Variants in LRRC28 observed in about 807,000 individuals in gnomAD.
LRRC28 encodes the protein leucine rich repeat containing 28.
In LRRC28, 39 loss-of-function variants were observed where a neutral mutation model predicts 45.7. The observed-to-expected ratio is 0.85, with a 90% CI of 0.66 to 1.12. The LOEUF (loss-of-function observed/expected upper bound fraction) is 1.12, where lower values mean the gene tolerates loss of function less well. LRRC28 is among the 50% of genes most tolerant of loss of function. The pLI, the probability that LRRC28 is intolerant of heterozygous loss-of-function variation, is 0.00. For missense variants in LRRC28, 435 were observed against 438.5 expected (o/e 0.99, Z 0.07); for synonymous variants, 206 against 178.8 (o/e 1.15, Z -1.22).
intron 9 of LRRC28, among the ~76,000 whole-genome samples, chr15:99,371,693 C>T (rs916380505): frequency 1.3e-5 from 2 of 152,144 alleles, no homozygotes; most frequent in Non-Finnish European, 2.9e-5. Flanking sequence ...GAAGCCTATT[C>T]GTTGGCACCC....
At chr15:99,280,433 T>C (rs2081752106) in intron 3 of LRRC28, among the ~76,000 whole-genome samples, 1 of 151,270 alleles carries the variant, frequency 6.6e-6, no homozygotes, top group Admixed American at 6.6e-5. Flanking sequence ...CAGTTTTTTA[T>C]TGTACATTTA....
At chr15:99,304,149 T>C (rs1246196249) in intron 5 of LRRC28, among the ~76,000 whole-genome samples, 3 of 152,244 alleles carry the variant, frequency 2.0e-5, no homozygotes, top group Non-Finnish European at 4.4e-5. Context: ...GTTTACATAT[T>C]GTCTCTGGCT....
At chr15:99,349,189 T>G (rs549997795) in intron 6 of LRRC28, among the ~76,000 whole-genome samples, 8 of 152,244 alleles carry the variant, frequency 5.3e-5, no homozygotes, top group African/African-American at 1.9e-4. Context: ...CTTTGGGGTT[T>G]CATCTCTTTT....
chr15:99,367,705 G>A (rs560463118), intron 9 of LRRC28, among the ~76,000 whole-genome samples: 1 of 152,296 alleles, frequency 6.6e-6, no homozygotes, highest in South Asian at 2.1e-4. Context: ...ATAAAGCAAG[G>A]CTTGTGGGAA....
intron 9 of LRRC28, among the ~76,000 whole-genome samples, chr15:99,383,013 C>G (rs1957875492): frequency 6.6e-6 from 1 of 152,092 alleles, no homozygotes; most frequent in Admixed American, 6.6e-5. Context: ...GTATACAACT[C>G]AGTGTTTCTT....
intron 5 of LRRC28, among the ~76,000 whole-genome samples, chr15:99,323,676 ACTT>A (rs954137895): frequency 3.9e-5 from 6 of 152,198 alleles, no homozygotes; most frequent in Non-Finnish European, 5.9e-5. Context: ...ATAATAAAAA[ACTT>A]CATCAATTAC....
intron 6 of LRRC28, among the ~76,000 whole-genome samples, chr15:99,337,479 A>G (rs1176084354): frequency 6.6e-6 from 1 of 152,238 alleles, no homozygotes; most frequent in African/African-American, 2.4e-5. Flanking sequence ...TGCATGCACC[A>G]TGCTAATGGC....
intron 4 of LRRC28, among the ~76,000 whole-genome samples, 191 bp downstream of exon 4, chr15:99,287,485 G>A (rs917248379): frequency 3.3e-5 from 5 of 151,998 alleles, no homozygotes; most frequent in Non-Finnish European, 7.4e-5. Flanking sequence ...ACTATTGTTG[G>A]ATAAATTGCT....
intron 9 of LRRC28, among the ~76,000 whole-genome samples, chr15:99,365,973 T>C (rs1034659176): frequency 1.3e-5 from 2 of 152,238 alleles, no homozygotes; most frequent in East Asian, 3.8e-4. Flanking sequence ...AACTTCAACA[T>C]AGAAGATTAT....
intron 2 of LRRC28, among the ~76,000 whole-genome samples, chr15:99,272,972 C>T (rs1018892875): frequency 6.6e-6 from 1 of 152,172 alleles, no homozygotes; most frequent in Non-Finnish European, 1.5e-5. Flanking sequence ...TGTAATCCAA[C>T]ATTAGAGCTT....
chr15:99,362,923 A>T (rs909891186), intron 8 of LRRC28, among the ~76,000 whole-genome samples, 183 bp from the exon 9 acceptor site: 4 of 150,938 alleles, frequency 2.7e-5, no homozygotes, highest in South Asian at 2.1e-4. Flanking sequence ...TCAAAAATAT[A>T]AAAAAAAAAT....
chr15:99,362,380 C>T (rs1270796451), intron 8 of LRRC28, among the ~76,000 whole-genome samples: 1 of 152,208 alleles, frequency 6.6e-6, no homozygotes, highest in East Asian at 1.9e-4. Context: ...GTATCTCCTT[C>T]CCAAAGATGA....
At chr15:99,322,273 A>G (rs1283845758) in intron 5 of LRRC28, among the ~76,000 whole-genome samples, 2 of 152,164 alleles carry the variant, frequency 1.3e-5, no homozygotes, top group Admixed American at 1.3e-4. Flanking sequence ...GCAGGAAAGG[A>G]CCATGATCTG....
In LRRC28 at chr15:99,259,859, G is replaced by T. The variant is rs954767937; in HGVS notation, c.168+3734G>T. ...AGAATAGAAAGAATGCCTTGCCTCA[G>T]TTTGAACACATCCTGATGCAAAGGT... On this transcript the variant is annotated intron_variant, in intron 2 of 9. Coordinates refer to ENST00000301981, the MANE Select transcript of LRRC28 (RefSeq NM_144598.5). 1.9e-5 allele frequency: 15 copies of T among 797,618 alleles called. No individual in the cohort carries two copies. The African/African-American group carries it at 2.5e-4, about 13-fold the overall frequency. The allele number at this position is 797,618 out of a possible 1,614,324, so 49.4% of individuals were successfully genotyped here.
chr15:99,266,592 C>T lies in LRRC28; in HGVS notation c.169-9984C>T, dbSNP rs188574354. 2.5e-3 allele frequency among the ~76,000 whole-genome samples: 386 copies of T among 152,254 alleles called. 1 individual carries two copies. Among genetic ancestry groups the T allele is most frequent in the African/African-American group, 8.1e-3 (337 of 41,538 alleles). ...TTAATGTTTTTGTTGAGTTGTTGGG[C>T]CATATCTAGCAAAACTACATGGATA... is the stretch of plus-strand genomic sequence containing the variant. On this transcript the variant is annotated intron_variant, in intron 2 of 9. Transcript: ENST00000301981.
intron 3 of LRRC28, among the ~76,000 whole-genome samples, chr15:99,277,534 T>G (rs550705950): frequency 4.2e-4 from 64 of 152,278 alleles, no homozygotes; most frequent in Non-Finnish European, 7.5e-4. Flanking sequence ...AAAGTAATAT[T>G]CAATATAATT....
At chr15:99,300,848 G>A (rs940495338) in intron 5 of LRRC28, among the ~76,000 whole-genome samples, 2 of 152,200 alleles carry the variant, frequency 1.3e-5, no homozygotes, top group South Asian at 4.1e-4. Context: ...AAAATAAAAA[G>A]TGTGCACAGT....
At chr15:99,384,591 T>C (rs543023184) in intron 9 of LRRC28, 2 of 152,188 alleles carry the variant, frequency 1.3e-5, no homozygotes, top group Non-Finnish European at 2.9e-5. Context: ...CGTTTCAGAA[T>C]CTCTTCAGCA....
Position 99,289,941 on chromosome 15 carries a change from A to AC in LRRC28, c.385+1990_385+1991insC, listed in dbSNP as rs1305646073. On this transcript the variant is annotated intron_variant, in intron 5 of 9. Coordinates refer to ENST00000301981, the MANE Select transcript of LRRC28 (RefSeq NM_144598.5). ...GGCGACAGAGCAAGACTCCGTCTCAAAAAAAAAAAAAAAAAAAAAAAATGG... is the reference window on the plus strand; with the variant it reads ...GGCGACAGAGCAAGACTCCGTCTCAACAAAAAAAAAAAAAAAAAAAAAATGG... 2.5e-5 allele frequency among the ~76,000 whole-genome samples: 3 copies of AC among 122,344 alleles called. No individual in the cohort carries two copies. The Admixed American group carries it at 2.6e-4, about 10-fold the overall frequency. The allele number at this position is 122,344 out of a possible 152,430, so 80.3% of individuals were successfully genotyped here.
Sources: allele counts gnomAD v4.1 joint callset (sites outside exome capture counted in the v4.1 genomes callset), GRCh38; gene constraint gnomAD v4.1.1; transcripts MANE v1.5; gene names NCBI Gene and HGNC (gene_info 2026-07-23, HGNC 2026-07-21).